Variants in EIF5B observed in about 807,000 individuals in gnomAD.
EIF5B encodes the protein eIF-5B.
A neutral mutation model predicts 147.5 loss-of-function variants in EIF5B; 47 were observed. The observed-to-expected ratio is 0.32, with a 90% CI of 0.25 to 0.41. The LOEUF (loss-of-function observed/expected upper bound fraction) is 0.41. EIF5B is among the 10% of genes least tolerant of loss of function. The pLI is 1.00. For synonymous variants in EIF5B, 455 were observed against 456.2 expected, an observed-to-expected ratio of 1.00 and a Z score of 0.03; for missense variants, 1,064 against 1,413.2, an observed-to-expected ratio of 0.75 and a Z score of 3.96.
rs1487242955 is a variant in EIF5B, at chr2:99,394,891, AC to A, written c.3254+9del. The A allele has an allele frequency of 6.4e-7, 1 of 1,558,934 alleles. No individual in the cohort carries two copies. Among genetic ancestry groups the A allele is most frequent in the Admixed American group, 1.9e-5 (1 of 53,018 alleles). On this transcript the variant is annotated intron_variant, in intron 21 of 23. Transcript: ENST00000289371. ...GAAACAAGAAGAATTTAAGTAAGTT[AC>A]TGTTTTTATTTACTTTGAGTCTTTG...
Position 99,379,143 on chromosome 2 carries a change from T to G in EIF5B, c.1950+17T>G, listed in dbSNP as rs542041085. On this transcript the variant is annotated intron_variant, in intron 11 of 23. Coordinates refer to ENST00000289371, the MANE Select transcript of EIF5B (RefSeq NM_015904.4). ...CTAGATAAGGTAAGAAAGTATTAAA[T>G]GTATTGATAGAACTTTGAAAATAAG... 4 of 1,570,904 alleles carry G rather than the reference T, an allele frequency of 2.5e-6. No individual in the cohort carries two copies. The highest frequency in any genetic ancestry group is 3.5e-6 in the Non-Finnish European group (4 of 1,157,500).
rs1161124801 is a variant in EIF5B, at chr2:99,390,527, G to A, written c.2587-17G>A. 2 of 1,599,008 alleles carry A rather than the reference G, an allele frequency of 1.3e-6. No individual in the cohort carries two copies. Among genetic ancestry groups the A allele is most frequent in the African/African-American group, 2.7e-5 (2 of 73,998 alleles). On this transcript the variant is annotated splice_polypyrimidine_tract_variant and intron_variant, in intron 16 of 23. Coordinates refer to ENST00000289371, the MANE Select transcript of EIF5B (RefSeq NM_015904.4). ...GCATTGTATGTATGTCTTTCTCTTT[G>A]CATTAATGCCTTTTAGGTTAAAGCT...
At chr2:99,346,967 T>G (rs115028891) in intron 1 of EIF5B, among the ~76,000 whole-genome samples, 1,810 of 152,238 alleles carry the variant, frequency 0.012, 16 homozygotes, top group Non-Finnish European at 0.02. Flanking sequence ...TATAAACTTG[T>G]ATCTCTGTAA....
At chr2:99,348,117 T>C (rs1379201215) in intron 1 of EIF5B, among the ~76,000 whole-genome samples, 4 of 152,202 alleles carry the variant, frequency 2.6e-5, no homozygotes, top group African/African-American at 9.6e-5. Flanking sequence ...TGTATTCTTA[T>C]CAAATTAATG....
intron 8 of EIF5B, among the ~76,000 whole-genome samples, chr2:99,370,262 A>T (rs1382673784): frequency 1.3e-5 from 2 of 149,518 alleles, no homozygotes; most frequent in Non-Finnish European, 3.0e-5. Flanking sequence ...CTCTGGTTTT[A>T]AAAAAAAAAC....
intron 1 of EIF5B, among the ~76,000 whole-genome samples, chr2:99,349,743 G>A (rs1033921755): frequency 5.9e-5 from 9 of 152,176 alleles, no homozygotes; most frequent in African/African-American, 2.2e-4. Flanking sequence ...TATACATTGT[G>A]TAATGATCAG....
Position 99,376,347 on chromosome 2 carries a change from T to A in EIF5B, c.1553T>A (p.Val518Glu). 1.4e-6 allele frequency: 2 copies of A among 1,386,328 alleles called. No homozygotes were observed. The highest frequency in any genetic ancestry group is 2.0e-6 in the Non-Finnish European group (2 of 1,022,848). 85.9% of individuals were successfully genotyped at this position (1,386,328 alleles called of 1,614,324 possible). A position where few individuals can be genotyped will look rare whatever the true frequency, so the allele number is the denominator to read the frequency against. ...AMASDEETEK[V>E]EGNKVHIEVK... ...TTTAAAAATATATTTGCTTTCGTAG[T>A]AGAAGGAAACAAAGTTCATATAGAA... The change falls in exon 10 of 24, where the codon GTA (valine) becomes GAA (glutamate). Residue 518 changes from valine (V) to glutamate (E), a missense_variant and splice_region_variant. By Grantham distance (121) the Val-to-Glu change is moderately radical (BLOSUM62 -2). Coordinates refer to ENST00000289371, the MANE Select transcript of EIF5B (RefSeq NM_015904.4).
At chr2:99,365,226 A>G (rs1388119247) in intron 6 of EIF5B, among the ~76,000 whole-genome samples, 2 of 152,154 alleles carry the variant, frequency 1.3e-5, no homozygotes, top group Admixed American at 6.5e-5. Context: ...TGATGCTACA[A>G]TGTCTTTGAC....
chr2:99,393,180 A>G (rs1674970960), intron 18 of EIF5B, 82 bp downstream of exon 18: 1 of 1,282,520 alleles, frequency 7.8e-7, no homozygotes. Flanking sequence ...AGGGATGGTG[A>G]CCAAAACTGG....
intron 6 of EIF5B, 105 bp downstream of exon 6, chr2:99,364,526 A>C: frequency 1.8e-6 from 2 of 1,136,356 alleles, no homozygotes; most frequent in East Asian, 2.5e-5. Flanking sequence ...GACAGTTCCT[A>C]TGAAAAATCT....
intron 1 of EIF5B, chr2:99,338,283 G>A (rs779629249): frequency 2.0e-5 from 26 of 1,283,296 alleles, no homozygotes; most frequent in Admixed American, 2.3e-5. Context: ...AATGCTTTGG[G>A]GAGGGAGGAT....
intron 14 of EIF5B, among the ~76,000 whole-genome samples, chr2:99,384,688 T>C (rs1297177685): frequency 6.6e-6 from 1 of 152,234 alleles, no homozygotes; most frequent in East Asian, 1.9e-4. Context: ...CTCTCATGTA[T>C]GACTTTGAGG....
intron 17 of EIF5B, 30 bp downstream of exon 17, chr2:99,390,735 G>A: frequency 6.3e-7 from 1 of 1,585,172 alleles, no homozygotes. Context: ...ATTGACACGT[G>A]GGGACTTGTA....
chr2:99,355,755 G>C (rs1308516758), intron 1 of EIF5B, among the ~76,000 whole-genome samples: 1 of 151,694 alleles, frequency 6.6e-6, no homozygotes, highest in African/African-American at 2.4e-5. Flanking sequence ...TGGGATTACA[G>C]GCATGTGCCA....
In EIF5B at chr2:99,401,226, G is replaced by GCT. The variant is rs1559268133; in HGVS notation, c.*1817_*1818dup. The GCT allele has an allele frequency of 1.3e-6, 2 of 1,503,154 alleles. No individual in the cohort carries two copies. The highest frequency in any genetic ancestry group is 4.5e-5 in the East Asian group (2 of 44,350). The allele number at this position is 1,503,154 out of a possible 1,614,324, so 93.1% of individuals were successfully genotyped here. ...TGGCACAGCTATCAGAGAGCATCAG[G>GCT]CTCTCTGGTAATATTTATGTAACTT... is the stretch of plus-strand genomic sequence containing the variant. On this transcript the variant is annotated 3_prime_UTR_variant, in exon 24 of 24. Transcript: ENST00000289371.
intron 7 of EIF5B, among the ~76,000 whole-genome samples, chr2:99,369,028 G>A (rs567704112): frequency 1.3e-5 from 2 of 152,300 alleles, no homozygotes; most frequent in Non-Finnish European, 2.9e-5. Context: ...ATCCCAGCAC[G>A]CTGGGAGGCT....
chr2:99,347,146 C>T (rs1309316003), intron 1 of EIF5B, among the ~76,000 whole-genome samples: 1 of 152,004 alleles, frequency 6.6e-6, no homozygotes, highest in Non-Finnish European at 1.5e-5. Flanking sequence ...TCTGGGACTA[C>T]AGACGCATGC....
At position 99,377,906 on chromosome 2, in the gene EIF5B, G is replaced by A. The variant is rs1005886350; in HGVS notation, c.1843-1113G>A. 1.3e-4 allele frequency among the ~76,000 whole-genome samples: 20 copies of A among 152,246 alleles called. No homozygotes were observed. In the East Asian group the frequency reaches 3.9e-3, roughly 29 times the overall value. On this transcript the variant is annotated intron_variant, in intron 10 of 23. Coordinates refer to ENST00000289371, the MANE Select transcript of EIF5B (RefSeq NM_015904.4). ...GGAATGGGGTTTGTATTCTTGTCCT[G>A]TCATTGCTTCAGTATACTTAGAATT...
Position 99,390,528 on chromosome 2 carries a change from C to T in EIF5B, c.2587-16C>T, listed in dbSNP as rs754123679. On this transcript the variant is annotated splice_polypyrimidine_tract_variant and intron_variant, in intron 16 of 23. Transcript: ENST00000289371. The stretch of plus-strand genomic sequence containing the variant: ...CATTGTATGTATGTCTTTCTCTTTG[C>T]ATTAATGCCTTTTAGGTTAAAGCTC... 4 of 1,600,574 alleles carry T rather than the reference C, an allele frequency of 2.5e-6. No individual in the cohort carries two copies. Among genetic ancestry groups the T allele is most frequent in the Non-Finnish European group, 3.4e-6 (4 of 1,170,440 alleles).
Sources: gnomAD v4.1 joint callset for allele counts (sites outside exome capture counted in the v4.1 genomes callset) on GRCh38, gnomAD v4.1.1 for gene constraint, MANE v1.5 for transcripts, NCBI Gene and HGNC (gene_info 2026-07-23, HGNC 2026-07-21) for gene names.